MARCO: variants seen among roughly 807,000 people sequenced by gnomAD.
MARCO encodes macrophage receptor MARCO.
A neutral mutation model predicts 70.0 loss-of-function variants in MARCO; 72 were observed. That is an observed-to-expected ratio of 1.03 (90% confidence interval 0.85 to 1.25). The LOEUF is 1.25. Ranked by LOEUF, MARCO falls within the 50% of genes most tolerant of loss-of-function variation. The probability of loss-of-function intolerance (pLI) is 0.00; values close to 1 mark genes in which losing one functional copy is unlikely to be tolerated. For missense variants in MARCO, 696 were observed against 659.3 expected, an observed-to-expected ratio of 1.06 and a Z score of -0.61; for synonymous variants, 273 against 243.1, an observed-to-expected ratio of 1.12 and a Z score of -1.14.
Position 118,942,246 on chromosome 2 carries a change from T to C in MARCO, c.-55T>C. 5.8e-6 allele frequency: 7 copies of C among 1,204,478 alleles called. No individual in the cohort carries two copies. The highest frequency in any genetic ancestry group is 8.6e-6 in the Non-Finnish European group (7 of 810,222). The allele number at this position is 1,204,478 out of a possible 1,614,324, so 74.6% of individuals were successfully genotyped here. A position where few individuals can be genotyped will look rare whatever the true frequency, so the allele number is the denominator to read the frequency against. Reference sequence around the variant, plus strand: ...AGGATCTTTCTCCAAGTGGTTCCTCTTGAGGGGAGCATTTCTGCTGGCTCC... The same window carrying C: ...AGGATCTTTCTCCAAGTGGTTCCTCCTGAGGGGAGCATTTCTGCTGGCTCC... On this transcript the variant is annotated 5_prime_UTR_variant, in exon 1 of 17. Coordinates refer to ENST00000327097, the MANE Select transcript of MARCO (RefSeq NM_006770.4).
intron 6 of MARCO, among the ~76,000 whole-genome samples, chr2:118,976,014 A>G (rs1286432945): frequency 6.6e-6 from 1 of 151,960 alleles, no homozygotes; most frequent in East Asian, 1.9e-4. Flanking sequence ...TCCGAGAGAG[A>G]GGGACTCAGG....
At chr2:118,942,423 A>G (rs755504367) in intron 1 of MARCO, 26 bp downstream of exon 1, 2 of 1,495,940 alleles carry the variant, frequency 1.3e-6, no homozygotes, top group Non-Finnish European at 9.3e-7. Flanking sequence ...CCAATAATGG[A>G]AATGACCAGA....
chr2:118,970,745 C>T (rs915189210), intron 3 of MARCO, among the ~76,000 whole-genome samples: 2 of 151,796 alleles, frequency 1.3e-5, no homozygotes, highest in Non-Finnish European at 2.9e-5. Context: ...GGGTTAAAAC[C>T]CCAAGGGTGC....
chr2:118,984,189 A>T (rs142221932), intron 12 of MARCO, among the ~76,000 whole-genome samples: 25 of 152,194 alleles, frequency 1.6e-4, no homozygotes, highest in Non-Finnish European at 3.2e-4. Flanking sequence ...GATGAGTGAC[A>T]CCTCCTCCCT....
chr2:118,977,360 TCTC>T (rs1414902959), intron 6 of MARCO, 108 bp from the exon 7 acceptor site: 8 of 855,370 alleles, frequency 9.4e-6, no homozygotes, highest in Non-Finnish European at 1.2e-5. Flanking sequence ...GAGAGAAAGA[TCTC>T]CTTCTGGGAA....
At chr2:118,949,576 C>G (rs1679679336) in intron 1 of MARCO, 1 of 152,176 alleles carries the variant, frequency 6.6e-6, no homozygotes, top group Admixed American at 6.5e-5. Flanking sequence ...AAGTGCCCTA[C>G]AGTGGGGTTA....
intron 15 of MARCO, 41 bp from the exon 16 acceptor site, chr2:118,993,083 G>A (rs781705272): frequency 1.3e-5 from 21 of 1,594,648 alleles, no homozygotes; most frequent in African/African-American, 2.7e-5. Context: ...AAAGCCCCAA[G>A]GGGCCTTCCT....
intron 14 of MARCO, among the ~76,000 whole-genome samples, chr2:118,992,108 C>A (rs1293375948): frequency 6.6e-6 from 1 of 152,180 alleles, no homozygotes; most frequent in Non-Finnish European, 1.5e-5. Context: ...CGTGAACATG[C>A]ACTTGAGCCA....
At chr2:118,947,826 G>T (rs1337939923) in intron 1 of MARCO, among the ~76,000 whole-genome samples, 1 of 152,064 alleles carries the variant, frequency 6.6e-6, no homozygotes, top group African/African-American at 2.4e-5. Context: ...TAGGGTTTTT[G>T]CCTTTCCATA....
intron 1 of MARCO, among the ~76,000 whole-genome samples, chr2:118,959,979 G>A (rs1051451137): frequency 3.9e-5 from 6 of 151,910 alleles, no homozygotes; most frequent in Non-Finnish European, 5.9e-5. Flanking sequence ...GGGTGGTGAC[G>A]GATAAAAGAC....
intron 12 of MARCO, 121 bp downstream of exon 12, chr2:118,982,531 G>A (rs972424747): frequency 1.0e-6 from 1 of 953,042 alleles, no homozygotes; most frequent in Non-Finnish European, 1.7e-6. Flanking sequence ...CTTGGCCTCT[G>A]AGGTTCCTGG....
At chr2:118,945,031 C>A (rs1313976628) in intron 1 of MARCO, 3 of 151,988 alleles carry the variant, frequency 2.0e-5, no homozygotes, top group African/African-American at 7.3e-5. Context: ...ATATATGTAT[C>A]CATGGATGAA....
intron 1 of MARCO, among the ~76,000 whole-genome samples, chr2:118,958,408 A>G (rs78004109): frequency 1.6e-5 from 1 of 63,322 alleles, no homozygotes; most frequent in Admixed American, 1.5e-4. Context: ...CAATAGCTGC[A>G]AAAAAAAAAA....
chr2:118,987,185 A>G (rs62157412), intron 12 of MARCO, among the ~76,000 whole-genome samples: 2,704 of 152,352 alleles, frequency 0.018, 41 homozygotes, highest in Middle Eastern at 0.041. Flanking sequence ...TTTCAGCTTG[A>G]TAAGCTTGTG....
At chr2:118,975,517 A>G (rs1350422192) in intron 6 of MARCO, among the ~76,000 whole-genome samples, 6 of 152,170 alleles carry the variant, frequency 3.9e-5, no homozygotes, top group South Asian at 2.1e-4. Flanking sequence ...GACCCCAAAG[A>G]GCCTATTGAT....
At chr2:118,975,347 A>G (rs1680259643) in intron 6 of MARCO, among the ~76,000 whole-genome samples, 2 of 152,262 alleles carry the variant, frequency 1.3e-5, no homozygotes, top group African/African-American at 4.8e-5. Context: ...GACAAAGGGC[A>G]GATGAGAGGA....
In MARCO at chr2:118,994,372, T is replaced by C; in HGVS notation, c.1430-15T>C. ...CTACCCTTCTTCCTCTGTCTCTTGC[T>C]TTCTCTCTATCAAGGCACTGGGCAG... On this transcript the variant is annotated splice_polypyrimidine_tract_variant and intron_variant, in intron 16 of 16. Transcript: ENST00000327097. The C allele has an allele frequency of 6.2e-7, 1 of 1,614,046 alleles. No individual in the cohort carries two copies. The highest frequency in any genetic ancestry group is 8.5e-7 in the Non-Finnish European group (1 of 1,179,956).
At chr2:118,962,377 G>A (rs1021703197) in intron 1 of MARCO, among the ~76,000 whole-genome samples, 14 of 152,050 alleles carry the variant, frequency 9.2e-5, no homozygotes, top group South Asian at 6.2e-4. Context: ...ATTTGTTCAC[G>A]TCCTCTCTGA....
rs1280270689 is a variant in MARCO, at chr2:118,942,406, C to T, written c.97+9C>T. On this transcript the variant is annotated intron_variant, in intron 1 of 16. Coordinates refer to ENST00000327097, the MANE Select transcript of MARCO (RefSeq NM_006770.4). Reference sequence around the variant, plus strand: ...GCCTTTCGAAATCAATGGTAAAGTACGATTCCCCAATAATGGAAATGACCA... The same window carrying T: ...GCCTTTCGAAATCAATGGTAAAGTATGATTCCCCAATAATGGAAATGACCA... 9 of 1,594,066 alleles carry T rather than the reference C, an allele frequency of 5.6e-6. No individual in the cohort carries two copies. The highest frequency in any genetic ancestry group is 7.7e-6 in the Non-Finnish European group (9 of 1,162,162).
Sources: gnomAD v4.1 joint callset for allele counts (sites outside exome capture counted in the v4.1 genomes callset) on GRCh38, gnomAD v4.1.1 for gene constraint, MANE v1.5 for transcripts, NCBI Gene and HGNC (gene_info 2026-07-23, HGNC 2026-07-21) for gene names.